The following PTPRD variants were observed in gnomAD, a reference collection of about 807,000 sequenced individuals.
PTPRD encodes the protein receptor-type tyrosine-protein phosphatase delta.
PTPRD carries 34 observed loss-of-function variants against 214.5 expected under a neutral mutation model. That is an observed-to-expected ratio of 0.16 (90% CI 0.12 to 0.21). The LOEUF (loss-of-function observed/expected upper bound fraction) is 0.21, where lower values mean the gene tolerates loss of function less well. Ranked by LOEUF, PTPRD falls within the 10% of genes least tolerant of loss-of-function variation. The pLI is 1.00. For synonymous variants in PTPRD, 1,128 were observed against 845.7 expected (o/e 1.33, Z -5.79); for missense variants, 2,545 against 2,398.7 (o/e 1.06, Z -1.27).
intron 8 of PTPRD, among the ~76,000 whole-genome samples, chr9:9,441,100 C>T (rs1439375165): frequency 6.6e-6 from 1 of 152,166 alleles, no homozygotes; most frequent in Non-Finnish European, 1.5e-5. Flanking sequence ...TATGGTTCAT[C>T]TTACCTTGGA....
chr9:10,585,776 T>C (rs1388737013), intron 2 of PTPRD, among the ~76,000 whole-genome samples: 1 of 151,838 alleles, frequency 6.6e-6, no homozygotes, highest in Non-Finnish European at 1.5e-5. Context: ...AGGGCCCTTA[T>C]TAAATACTGG....
intron 44 of PTPRD, among the ~76,000 whole-genome samples, chr9:8,322,983 C>G (rs542126855): frequency 6.6e-6 from 1 of 152,116 alleles, no homozygotes; most frequent in African/African-American, 2.4e-5. Context: ...AGTTATACAT[C>G]TCTCATTTTA....
intron 2 of PTPRD, among the ~76,000 whole-genome samples, chr9:10,507,530 G>A (rs1019307524): frequency 3.3e-5 from 5 of 152,100 alleles, no homozygotes; most frequent in Admixed American, 1.3e-4. Context: ...GAGGAATCAC[G>A]CTACCTGACT....
chr9:10,044,089 G>C (rs757559637), intron 3 of PTPRD, among the ~76,000 whole-genome samples: 20 of 151,708 alleles, frequency 1.3e-4, no homozygotes, highest in Non-Finnish European at 2.7e-4. Context: ...GATACCAGGG[G>C]AAGTTGTTTC....
chr9:10,265,581 G>T (rs1286725662), intron 3 of PTPRD, among the ~76,000 whole-genome samples: 1 of 152,150 alleles, frequency 6.6e-6, no homozygotes. Context: ...TGGGCCATGT[G>T]GTCTCTATCA....
At chr9:9,223,575 T>C (rs2099957543) in intron 9 of PTPRD, among the ~76,000 whole-genome samples, 1 of 152,030 alleles carries the variant, frequency 6.6e-6, no homozygotes, top group Non-Finnish European at 1.5e-5. Flanking sequence ...AATGCCTTCA[T>C]TATTTTTTTT....
At chr9:9,490,502 T>C (rs1002475694) in intron 8 of PTPRD, among the ~76,000 whole-genome samples, 2 of 152,050 alleles carry the variant, frequency 1.3e-5, no homozygotes. Flanking sequence ...TACTATATAA[T>C]TTAAGAGGCA....
chr9:9,908,236 C>A (rs1280208924), intron 5 of PTPRD, among the ~76,000 whole-genome samples: 1 of 151,920 alleles, frequency 6.6e-6, no homozygotes, highest in South Asian at 2.1e-4. Flanking sequence ...ATAGAACATT[C>A]CTGCTCAATG....
chr9:10,612,135 A>G (rs910960162), intron 2 of PTPRD, among the ~76,000 whole-genome samples: 5 of 150,540 alleles, frequency 3.3e-5, no homozygotes, highest in African/African-American at 1.2e-4. Flanking sequence ...CTTGAACAAT[A>G]AACGTTTAAA....
intron 10 of PTPRD, among the ~76,000 whole-genome samples, chr9:9,148,674 C>G (rs1190672224): frequency 6.6e-6 from 1 of 152,144 alleles, no homozygotes; most frequent in African/African-American, 2.4e-5. Flanking sequence ...ATAATCCACT[C>G]TAAGTGAAGC....
intron 2 of PTPRD, among the ~76,000 whole-genome samples, chr9:10,416,598 A>T (rs925250035): frequency 7.2e-5 from 11 of 151,950 alleles, no homozygotes; most frequent in African/African-American, 2.7e-4. Context: ...AAATTGTCAA[A>T]TATAAGTTTC....
At chr9:10,500,945 G>T (rs951711160) in intron 2 of PTPRD, among the ~76,000 whole-genome samples, 6 of 151,804 alleles carry the variant, frequency 4.0e-5, no homozygotes, top group African/African-American at 1.5e-4. Context: ...TCTGCTAATG[G>T]ACACTTAGGT....
chr9:9,128,141 C>A (rs1355919949), intron 10 of PTPRD, among the ~76,000 whole-genome samples: 1 of 152,176 alleles, frequency 6.6e-6, no homozygotes, highest in African/African-American at 2.4e-5. Flanking sequence ...AACATAGATG[C>A]TGGATCATCA....
chr9:9,242,191 G>C (rs1210907547), intron 9 of PTPRD, among the ~76,000 whole-genome samples: 1 of 152,170 alleles, frequency 6.6e-6, no homozygotes, highest in Non-Finnish European at 1.5e-5. Context: ...CTTCTGGCTT[G>C]TAGAGTTTCT....
At chr9:9,981,962 A>G (rs2095557480) in intron 4 of PTPRD, among the ~76,000 whole-genome samples, 1 of 152,180 alleles carries the variant, frequency 6.6e-6, no homozygotes, top group Non-Finnish European at 1.5e-5. Flanking sequence ...ACAGGGCATG[A>G]CACATTATTA....
intron 10 of PTPRD, among the ~76,000 whole-genome samples, chr9:9,120,832 C>T (rs1316043240): frequency 6.6e-6 from 1 of 152,160 alleles, no homozygotes; most frequent in East Asian, 1.9e-4. Context: ...ATTGTGACAG[C>T]TAAGTCTAAA....
Position 8,331,433 on chromosome 9 carries a change from A to AAAAG in PTPRD, c.5534+145_5534+148dup, listed in dbSNP as rs1477593845. 8 of 958,628 alleles carry AAAAG rather than the reference A, an allele frequency of 8.3e-6. No individual in the cohort carries two copies. In the South Asian group the frequency reaches 1.3e-4, roughly 16 times the overall value. The allele number at this position is 958,628 out of a possible 1,614,324, so 59.4% of individuals were successfully genotyped here. A position where few individuals can be genotyped will look rare whatever the true frequency, so the allele number is the denominator to read the frequency against. ...TATTTTCACTTATTTTCACTTTATG[A>AAAAG]AAAGAAAGAGAAATCAATCCTGCTT... is the stretch of plus-strand genomic sequence containing the variant. On this transcript the variant is annotated intron_variant, in intron 44 of 45. Coordinates refer to ENST00000381196, the MANE Select transcript of PTPRD (RefSeq NM_002839.4).
chr9:9,172,484 C>T (rs1477726867), intron 10 of PTPRD, among the ~76,000 whole-genome samples: 5 of 152,052 alleles, frequency 3.3e-5, no homozygotes, highest in African/African-American at 4.8e-5. Flanking sequence ...ATCCCTTGCC[C>T]GTTTGGACCT....
At chr9:8,850,623 A>G (rs2097791135) in intron 11 of PTPRD, among the ~76,000 whole-genome samples, 1 of 152,158 alleles carries the variant, frequency 6.6e-6, no homozygotes, top group South Asian at 2.1e-4. Context: ...CATCCAACAA[A>G]CTACTCTTAT....
Sources: gnomAD v4.1 joint callset for allele counts (sites outside exome capture counted in the v4.1 genomes callset) on GRCh38, gnomAD v4.1.1 for gene constraint, MANE v1.5 for transcripts, NCBI Gene and HGNC (gene_info 2026-07-23, HGNC 2026-07-21) for gene names.